The following IGSF3 variants were observed in gnomAD, a reference collection of about 807,000 sequenced individuals.
The protein encoded by IGSF3 is glu-Trp-Ile EWI motif-containing protein 3.
Under a neutral mutation model 114.4 loss-of-function variants are expected in IGSF3, and 23 were observed. The observed-to-expected ratio is 0.20, with a 90% CI of 0.14 to 0.28. The LOEUF (loss-of-function observed/expected upper bound fraction) is 0.28, where lower values mean the gene tolerates loss of function less well. IGSF3 is among the 10% of genes least tolerant of loss of function. The pLI is 1.00. For synonymous variants in IGSF3, 571 were observed against 645.2 expected, an observed-to-expected ratio of 0.88 and a Z score of 1.74; for missense variants, 1,172 against 1,591.5, an observed-to-expected ratio of 0.74 and a Z score of 4.48.
rs748408718 is a variant in IGSF3 at position 116,585,115 on chromosome 1, T to A, written c.2441-63A>T. On this transcript the variant is annotated intron_variant, in intron 8 of 10. Coordinates refer to ENST00000369486, the MANE Select transcript of IGSF3 (RefSeq NM_001007237.3). This position sits in a 1 kb window ranked among gnomAD's most constrained non-coding sequence, Gnocchi z 4.9. ...CAACAAGCAATTCGTACGCACCCTT[T>A]CCCAGGGTAGGTGAATGGATGCCTT... 9.1e-6 allele frequency: 12 copies of A among 1,320,108 alleles called. No homozygotes were observed. The highest frequency in any genetic ancestry group is 1.2e-5 in the Non-Finnish European group (12 of 972,980). The allele number at this position is 1,320,108 out of a possible 1,614,324, so 81.8% of individuals were successfully genotyped here. A position where few individuals can be genotyped will look rare whatever the true frequency, so the allele number is the denominator to read the frequency against.
rs1648454823 is a variant in IGSF3 at position 116,647,665 on chromosome 1, T to C, written c.43+18619A>G. Among the ~76,000 whole-genome samples the C allele has an allele frequency of 6.6e-6, 1 of 152,202 alleles. No individual in the cohort carries two copies. Among genetic ancestry groups the C allele is most frequent in the African/African-American group, 2.4e-5 (1 of 41,446 alleles). On this transcript the variant is annotated intron_variant, in intron 2 of 10. Transcript: ENST00000369486. The surrounding 1 kb of genome is among the most constrained non-coding windows in gnomAD (Gnocchi z 4.6). ...CTGCTGGCTCCATAACAAATGTTGA[T>C]TGAATGTTGTCTGGGCGGACAGAGG...
chr1:116,641,652 C>T (rs1002349210), intron 2 of IGSF3, among the ~76,000 whole-genome samples: 5 of 151,826 alleles, frequency 3.3e-5, no homozygotes, highest in African/African-American at 1.2e-4. Flanking sequence ...AGCAGACAGC[C>T]GTTCAGAACA....
At chr1:116,639,973 G>C (rs183362268) in intron 2 of IGSF3, among the ~76,000 whole-genome samples, 86 of 147,072 alleles carry the variant, frequency 5.8e-4, no homozygotes, top group Non-Finnish European at 1.0e-3. Flanking sequence ...CCAGGAGACA[G>C]AGGTTGCAAT....
chr1:116,591,447 T>C (rs1320496238), intron 7 of IGSF3, among the ~76,000 whole-genome samples: 1 of 152,242 alleles, frequency 6.6e-6, no homozygotes, highest in African/African-American at 2.4e-5. Flanking sequence ...TCAATTGCTA[T>C]AGTAACTGCA....
At chr1:116,587,294 A>G (rs1659888728) in intron 8 of IGSF3, among the ~76,000 whole-genome samples, 1 of 152,236 alleles carries the variant, frequency 6.6e-6, no homozygotes. Flanking sequence ...AATACTTCAT[A>G]ATTACTTATA....
chr1:116,621,605 C>T (rs1006333950), intron 2 of IGSF3, among the ~76,000 whole-genome samples: 3 of 148,490 alleles, frequency 2.0e-5, no homozygotes, highest in Non-Finnish European at 4.5e-5. Context: ...AAGTTTGGGG[C>T]TTTTTTTTTT....
In IGSF3 at chr1:116,664,818, C is replaced by T. The variant is rs1006740919; in HGVS notation, c.43+1466G>A. Among the ~76,000 whole-genome samples the T allele has an allele frequency of 3.9e-5, 6 of 152,298 alleles. No homozygotes were observed. Among genetic ancestry groups the T allele is most frequent in the Admixed American group, 1.3e-4 (2 of 15,296 alleles). On this transcript the variant is annotated intron_variant, in intron 2 of 10. Transcript: ENST00000369486. This position sits in a 1 kb window ranked among gnomAD's most constrained non-coding sequence, Gnocchi z 4.6. Reference sequence around the variant, plus strand: ...CATGCGTTGGGTGGTAGGGCACTGGCGCTAGTGAACTCACCCACTGGTTCT... The same window carrying T: ...CATGCGTTGGGTGGTAGGGCACTGGTGCTAGTGAACTCACCCACTGGTTCT...
Position 116,614,590 on chromosome 1 carries a change from T to C in IGSF3, c.422-415A>G, listed in dbSNP as rs145359293. ...TAATGGAAATGCCTCCTGGAACTTTTAGTTTTACATTTCTATACAACATCC... is the reference window on the plus strand; with the variant it reads ...TAATGGAAATGCCTCCTGGAACTTTCAGTTTTACATTTCTATACAACATCC... On this transcript the variant is annotated intron_variant, in intron 3 of 10. Coordinates refer to ENST00000369486, the MANE Select transcript of IGSF3 (RefSeq NM_001007237.3). This position sits in a 1 kb window ranked among gnomAD's most constrained non-coding sequence, Gnocchi z 4.5. 0.022 allele frequency among the ~76,000 whole-genome samples: 3,335 copies of C among 152,324 alleles called. 116 individuals carry two copies. The highest frequency in any genetic ancestry group is 0.076 in the African/African-American group (3,172 of 41,546).
chr1:116,608,033 C>T lies in IGSF3; in HGVS notation c.1131G>A (p.Arg377=). 1 of 1,613,814 alleles carries T rather than the reference C, an allele frequency of 6.2e-7. No homozygotes were observed. The highest frequency in any genetic ancestry group is 8.5e-7 in the Non-Finnish European group (1 of 1,179,766). The change falls in exon 5 of 11, where the codon CGG becomes CGA. Residue 377 remains arginine, a synonymous_variant. Coordinates refer to ENST00000369486, the MANE Select transcript of IGSF3 (RefSeq NM_001007237.3). The part of the protein sequence containing the change: ...RQEDSGKYNC[R]VTEREKTVTG... ...TCACGGTTTTCTCTCGCTCAGTCAC[C>T]CGGCAGTTGTATTTCCCGCTATCTT...
intron 4 of IGSF3, among the ~76,000 whole-genome samples, chr1:116,611,634 C>G (rs1004604757): frequency 6.6e-6 from 1 of 151,998 alleles, no homozygotes; most frequent in Non-Finnish European, 1.5e-5. Context: ...CACTTTTGCA[C>G]TTTTATGCTT....
rs986021490 is a variant in IGSF3, at chr1:116,582,774, A to G, written c.2848+1871T>C. On this transcript the variant is annotated intron_variant, in intron 9 of 10. Transcript: ENST00000369486. The surrounding 1 kb of genome is among the most constrained non-coding windows in gnomAD (Gnocchi z 4.7). ...TTACAGACAGAGGAAATATGAAGAC[A>G]TGAGGCAAAGACCAAAAAATATACA... is the stretch of plus-strand genomic sequence containing the variant. 6.6e-6 allele frequency among the ~76,000 whole-genome samples: 1 copy of G among 152,246 alleles called. No homozygotes were observed. The highest frequency in any genetic ancestry group is 1.5e-5 in the Non-Finnish European group (1 of 68,040).
chr1:116,579,271 CTAATAAATGCCCA>C lies in IGSF3; in HGVS notation c.3334+108_3334+120del. On this transcript the variant is annotated intron_variant, in intron 10 of 10. Coordinates refer to ENST00000369486, the MANE Select transcript of IGSF3 (RefSeq NM_001007237.3). The surrounding 1 kb of genome is among the most constrained non-coding windows in gnomAD (Gnocchi z 6.4). Reference sequence around the variant, plus strand: ...CAATCCCACCATATCTCAAATCCTACTAATAAATGCCCATGACAGTTAAGAAAACTGTTTATTA... The same window carrying C: ...CAATCCCACCATATCTCAAATCCTACTGACAGTTAAGAAAACTGTTTATTA... 7.7e-7 allele frequency: 1 copy of C among 1,299,624 alleles called. No individual in the cohort carries two copies. The highest frequency in any genetic ancestry group is 1.1e-6 in the Non-Finnish European group (1 of 947,290). 80.5% of individuals were successfully genotyped at this position (1,299,624 alleles called of 1,614,324 possible).
At chr1:116,591,581 T>C (rs1044035087) in intron 7 of IGSF3, among the ~76,000 whole-genome samples, 1 of 152,162 alleles carries the variant, frequency 6.6e-6, no homozygotes, top group African/African-American at 2.4e-5. Context: ...CAAAATATTG[T>C]GAAGTGTTGA....
chr1:116,663,570 C>T (rs1649204210), intron 2 of IGSF3, among the ~76,000 whole-genome samples: 1 of 151,786 alleles, frequency 6.6e-6, no homozygotes, highest in African/African-American at 2.4e-5. Context: ...AAACAACACA[C>T]AGAGGTCAAG....
intron 2 of IGSF3, among the ~76,000 whole-genome samples, chr1:116,617,578 G>A (rs1310679222): frequency 6.6e-6 from 1 of 152,198 alleles, no homozygotes; most frequent in Non-Finnish European, 1.5e-5. Flanking sequence ...CATGGGTTCC[G>A]ATGCTGGCTT....
In IGSF3 at chr1:116,582,786, C is replaced by A. The variant is rs1659657172; in HGVS notation, c.2848+1859G>T. On this transcript the variant is annotated intron_variant, in intron 9 of 10. Transcript: ENST00000369486. This position sits in a 1 kb window ranked among gnomAD's most constrained non-coding sequence, Gnocchi z 4.7. ...GAAATATGAAGACATGAGGCAAAGA[C>A]CAAAAAATATACACCAAATTATTAA... 2.0e-5 allele frequency among the ~76,000 whole-genome samples: 3 copies of A among 152,130 alleles called. No individual in the cohort carries two copies. In the South Asian group the frequency reaches 6.2e-4, roughly 31 times the overall value.
rs1052622685 is a variant in IGSF3, at chr1:116,667,684, A to T, written c.-697T>A. ...TTCAGTCCATCCAGGCGCACGCCTC[A>T]GGGGACGCGCCGCTTCCTCTTCTCC... is the stretch of plus-strand genomic sequence containing the variant. On this transcript the variant is annotated 5_prime_UTR_variant, in exon 1 of 11. Coordinates refer to ENST00000369486, the MANE Select transcript of IGSF3 (RefSeq NM_001007237.3). 6.6e-6 allele frequency: 1 copy of T among 151,352 alleles called. No homozygotes were observed. Among genetic ancestry groups the T allele is most frequent in the Admixed American group, 6.6e-5 (1 of 15,202 alleles). The allele number at this position is 151,352 out of a possible 1,614,324, so 9.4% of individuals were successfully genotyped here. A position where few individuals can be genotyped will look rare whatever the true frequency, so the allele number is the denominator to read the frequency against.
intron 4 of IGSF3, among the ~76,000 whole-genome samples, chr1:116,609,714 G>A (rs927598740): frequency 6.6e-6 from 1 of 151,996 alleles, no homozygotes; most frequent in African/African-American, 2.4e-5. Flanking sequence ...GCCTTCCCTA[G>A]ACTGGCATGT....
chr1:116,581,554 C>T (rs1256964346), intron 9 of IGSF3, among the ~76,000 whole-genome samples: 1 of 152,084 alleles, frequency 6.6e-6, no homozygotes, highest in Non-Finnish European at 1.5e-5. Flanking sequence ...CTTAGTGTCG[C>T]TCACAGGTGA....
Sources: gnomAD v4.1 joint callset for allele counts (sites outside exome capture counted in the v4.1 genomes callset) on GRCh38, gnomAD v4.1.1 for gene constraint, Gnocchi (gnomAD v3.1) non-coding constraint, MANE v1.5 for transcripts, NCBI Gene and HGNC (gene_info 2026-07-23, HGNC 2026-07-21) for gene names.